The following DNAH8 variants were observed in gnomAD, a reference collection of about 807,000 sequenced individuals.
DNAH8 encodes the protein axonemal beta dynein heavy chain 8.
A neutral mutation model predicts 562.1 loss-of-function variants in DNAH8; 382 were observed. That is an observed-to-expected ratio of 0.68 (90% CI 0.63 to 0.74). DNAH8 has a LOEUF of 0.74. DNAH8 is among the 30% of genes least tolerant of loss of function. DNAH8 has a pLI of 0.00. For synonymous variants in DNAH8, 1,881 were observed against 1,919.4 expected (o/e 0.98, Z 0.52); for missense variants, 5,203 against 5,620.4 (o/e 0.93, Z 2.37).
chr6:38,786,951 A>G lies in DNAH8; in HGVS notation c.2582A>G (p.Gln861Arg), dbSNP rs1769214990. 1 of 1,582,486 alleles carries G rather than the reference A, an allele frequency of 6.3e-7. No individual in the cohort carries two copies. Among genetic ancestry groups the G allele is most frequent in the African/African-American group, 1.4e-5 (1 of 73,156 alleles). Reference sequence around the variant, plus strand: ...TTGAAAGCAGACAAACTGTATTTGCAGGTAAGATAGATTATGTTTTCTAAT... The same window carrying G: ...TTGAAAGCAGACAAACTGTATTTGCGGGTAAGATAGATTATGTTTTCTAAT... ...SKLKADKLYLQGLLQYYDELC... is the reference protein window; with the variant it reads ...SKLKADKLYLRGLLQYYDELC... Residue 861 changes from glutamine (Q) to arginine (R), a missense_variant and splice_region_variant, in exon 18 of 93, where the codon CAG becomes CGG. Gln to Arg is a conservative substitution (Grantham distance 43, BLOSUM62 1). Transcript: ENST00000327475.
intron 81 of DNAH8, among the ~76,000 whole-genome samples, chr6:38,949,786 A>C (rs1761734781): frequency 1.3e-5 from 2 of 152,224 alleles, no homozygotes; most frequent in African/African-American, 4.8e-5. Flanking sequence ...AAGCAAAATA[A>C]AATGGTGATG....
chr6:38,835,781 C>T (rs1014602988), intron 32 of DNAH8, among the ~76,000 whole-genome samples: 8 of 151,864 alleles, frequency 5.3e-5, no homozygotes, highest in African/African-American at 1.7e-4. Context: ...GTGGAGGGCC[C>T]GGTAGGCAAT....
At chr6:39,009,482 G>A (rs1281764118) in intron 89 of DNAH8, among the ~76,000 whole-genome samples, 1 of 152,128 alleles carries the variant, frequency 6.6e-6, no homozygotes, top group Non-Finnish European at 1.5e-5. Flanking sequence ...GAGATATTAT[G>A]AATATAAGCA....
chr6:38,723,558 A>G (rs1562549149), intron 3 of DNAH8, 87 bp downstream of exon 3: 1 of 1,448,222 alleles, frequency 6.9e-7, no homozygotes. Flanking sequence ...AACAGCAACA[A>G]CAACAACAAA....
At chr6:38,781,901 C>T (rs186157151) in intron 16 of DNAH8, among the ~76,000 whole-genome samples, 1 of 152,096 alleles carries the variant, frequency 6.6e-6, no homozygotes, top group Admixed American at 6.5e-5. Context: ...TCTGAAATTG[C>T]CAGTTTGTCT....
intron 24 of DNAH8, among the ~76,000 whole-genome samples, chr6:38,809,035 C>A (rs113984387): frequency 6.6e-6 from 1 of 151,400 alleles, no homozygotes; most frequent in Admixed American, 6.6e-5. Context: ...CATGTGTATA[C>A]CTATGTAACA....
At chr6:38,841,034 A>G (rs750829785) in intron 33 of DNAH8, among the ~76,000 whole-genome samples, 1 of 152,148 alleles carries the variant, frequency 6.6e-6, no homozygotes, top group Non-Finnish European at 1.5e-5. Context: ...AAGAATGATG[A>G]AAAATGAATC....
chr6:38,889,605 A>G (rs1465567454), intron 57 of DNAH8, among the ~76,000 whole-genome samples: 3 of 152,244 alleles, frequency 2.0e-5, no homozygotes, highest in African/African-American at 7.2e-5. Context: ...GCCTCAGAGA[A>G]GTGAGATAAC....
rs1773468736 is a variant in DNAH8 at position 38,827,730 on chromosome 6, A to AT, written c.4084-454_4084-453insT. Among the ~76,000 whole-genome samples the AT allele has an allele frequency of 5.5e-4, 25 of 45,646 alleles. 10 individuals carry two copies. Among genetic ancestry groups the AT allele is most frequent in the East Asian group, 2.5e-3 (4 of 1,572 alleles). 29.9% of individuals were successfully genotyped at this position (45,646 alleles called of 152,430 possible). On this transcript the variant is annotated intron_variant, in intron 29 of 92. Coordinates refer to ENST00000327475, the MANE Select transcript of DNAH8 (RefSeq NM_001206927.2). ...GACTGCAAAAGCTTAATTCTTTACC[A>AT]AACTTTTTTTTTTTTTTTTTTTTTT...
chr6:39,029,391 C>T (rs1443088955), intron 92 of DNAH8, among the ~76,000 whole-genome samples: 7 of 152,294 alleles, frequency 4.6e-5, no homozygotes, highest in African/African-American at 1.2e-4. Flanking sequence ...CAGAATTCAC[C>T]GCCCTCACCC....
chr6:39,023,480 G>C (rs971427610), intron 91 of DNAH8, among the ~76,000 whole-genome samples: 26 of 152,110 alleles, frequency 1.7e-4, no homozygotes, highest in Non-Finnish European at 8.8e-5. Flanking sequence ...GCGACAGAGC[G>C]AGACACCGTC....
At chr6:38,817,721 G>A (rs1772414605) in intron 26 of DNAH8, among the ~76,000 whole-genome samples, 1 of 152,116 alleles carries the variant, frequency 6.6e-6, no homozygotes, top group African/African-American at 2.4e-5. Flanking sequence ...ACGAATGGCT[G>A]GACTGATCAT....
intron 92 of DNAH8, among the ~76,000 whole-genome samples, chr6:39,028,173 A>G (rs991408000): frequency 6.6e-6 from 1 of 152,224 alleles, no homozygotes; most frequent in Non-Finnish European, 1.5e-5. Context: ...CCCATTATGC[A>G]ATTCCAGAAT....
intron 12 of DNAH8, among the ~76,000 whole-genome samples, chr6:38,775,017 G>T (rs1678657): frequency 0.88 from 133,824 of 152,230 alleles, 58,907 homozygotes; most frequent in African/African-American, 0.91. Context: ...ATCAGTGGTG[G>T]TGTCTTCATG....
intron 35 of DNAH8, among the ~76,000 whole-genome samples, chr6:38,844,362 A>T (rs188760601): frequency 6.6e-6 from 1 of 151,938 alleles, no homozygotes; most frequent in Non-Finnish European, 1.5e-5. Flanking sequence ...CCATTATTCT[A>T]TGTTTTTGGA....
rs775389011 is a variant in DNAH8, at chr6:38,973,828, G to C, written c.12678+15G>C. ...CATTGCTTCAGGTTTGTTACTAAAC[G>C]TCTTTTCATCGAGAGTCATAGTAAT... On this transcript the variant is annotated intron_variant, in intron 84 of 92. Transcript: ENST00000327475. 1 of 1,581,934 alleles carries C rather than the reference G, an allele frequency of 6.3e-7. No individual in the cohort carries two copies. Among genetic ancestry groups the C allele is most frequent in the Admixed American group, 1.9e-5 (1 of 53,182 alleles).
At chr6:38,934,047 G>T (rs754703700) in intron 76 of DNAH8, among the ~76,000 whole-genome samples, 23 of 152,148 alleles carry the variant, frequency 1.5e-4, no homozygotes, top group Non-Finnish European at 2.8e-4. Flanking sequence ...TCTACTGATA[G>T]ATTGTGATAC....
chr6:38,833,243 C>CTT lies in DNAH8; in HGVS notation c.4302+817_4302+818dup, dbSNP rs5875642. 3.2e-4 allele frequency among the ~76,000 whole-genome samples: 47 copies of CTT among 148,404 alleles called. 1 individual carries two copies. Among genetic ancestry groups the CTT allele is most frequent in the South Asian group, 1.3e-3 (6 of 4,664 alleles). On this transcript the variant is annotated intron_variant, in intron 31 of 92. Coordinates refer to ENST00000327475, the MANE Select transcript of DNAH8 (RefSeq NM_001206927.2). ...AGCCCTTGGTGCTACTTATATAATG[C>CTT]TTTTTTTTTTAACATGTGCTAAACA... is the stretch of plus-strand genomic sequence containing the variant.
chr6:38,945,945 A>G (rs1411318867), intron 80 of DNAH8, among the ~76,000 whole-genome samples: 1 of 152,172 alleles, frequency 6.6e-6, no homozygotes, highest in Non-Finnish European at 1.5e-5. Context: ...TACAGATTTG[A>G]ATGTGAGTCA....
Sources: allele counts gnomAD v4.1 joint callset (sites outside exome capture counted in the v4.1 genomes callset), GRCh38; gene constraint gnomAD v4.1.1; transcripts MANE v1.5; gene names NCBI Gene and HGNC (gene_info 2026-07-23, HGNC 2026-07-21).